Variants in ABCA12 observed in about 807,000 individuals in gnomAD.
The protein encoded by ABCA12 is glucosylceramide transporter ABCA12.
ABCA12 carries 156 observed loss-of-function variants against 293.5 expected under a neutral mutation model. The observed-to-expected ratio is 0.53, with a 90% CI of 0.47 to 0.61. ABCA12 has a LOEUF of 0.61. Ranked by LOEUF, ABCA12 falls within the 20% of genes least tolerant of loss-of-function variation. ABCA12 has a pLI of 0.00. For synonymous variants in ABCA12, 1,063 were observed against 1,108.0 expected, an observed-to-expected ratio of 0.96 and a Z score of 0.81; for missense variants, 2,797 against 3,090.2, an observed-to-expected ratio of 0.91 and a Z score of 2.25.
chr2:215,049,579 C>G (rs1701275796), intron 6 of ABCA12, 47 bp downstream of exon 6: 1 of 1,574,158 alleles, frequency 6.4e-7, no homozygotes, highest in Non-Finnish European at 8.7e-7. Context: ...TAGATTTACC[C>G]TTTAATTCAT....
Position 215,001,545 on chromosome 2 carries a change from G to C in ABCA12, c.2863+13C>G. On this transcript the variant is annotated intron_variant, in intron 21 of 52. Transcript: ENST00000272895. ...ACAAAGAGATGCTCAAACCCTAATA[G>C]AACAGCACTTACTTCCAAAGAGTTC... 1.9e-6 allele frequency: 3 copies of C among 1,613,416 alleles called. No homozygotes were observed. The highest frequency in any genetic ancestry group is 2.5e-6 in the Non-Finnish European group (3 of 1,179,602).
intron 2 of ABCA12, among the ~76,000 whole-genome samples, chr2:215,098,371 T>C (rs1269408181): frequency 6.6e-6 from 1 of 152,196 alleles, no homozygotes; most frequent in African/African-American, 2.4e-5. Flanking sequence ...CTCCAGGAGT[T>C]CCATCTCTTC....
intron 48 of ABCA12, among the ~76,000 whole-genome samples, chr2:214,946,229 AAAT>A (rs1698578417): frequency 6.6e-6 from 1 of 152,126 alleles, no homozygotes; most frequent in Non-Finnish European, 1.5e-5. Flanking sequence ...AATGGTAGTT[AAAT>A]AATTTTTTAA....
intron 2 of ABCA12, among the ~76,000 whole-genome samples, chr2:215,105,032 A>T (rs1702436167): frequency 6.6e-6 from 1 of 152,154 alleles, no homozygotes; most frequent in African/African-American, 2.4e-5. Flanking sequence ...GAATTTTGTA[A>T]TCCAGTCACC....
chr2:215,055,703 G>GGAAAAA (rs71041984), intron 3 of ABCA12, among the ~76,000 whole-genome samples: 96,305 of 150,548 alleles, frequency 0.64, 31,403 homozygotes, highest in African/African-American at 0.77. Flanking sequence ...GTTTATAATT[G>GGAAAAA]GAAAAAGAAA....
At chr2:215,078,408 T>C (rs1384543866) in intron 2 of ABCA12, among the ~76,000 whole-genome samples, 1 of 152,226 alleles carries the variant, frequency 6.6e-6, no homozygotes, top group Non-Finnish European at 1.5e-5. Context: ...GATCTAATGG[T>C]TTCATATGAT....
chr2:215,134,162 A>T (rs1277148262), intron 1 of ABCA12, among the ~76,000 whole-genome samples: 1 of 151,696 alleles, frequency 6.6e-6, no homozygotes, highest in African/African-American at 2.4e-5. Context: ...AGCTTATGCT[A>T]TTCTCATCCT....
chr2:214,954,026 G>T lies in ABCA12; in HGVS notation c.6475C>A (p.Leu2159Ile). 1 of 1,614,060 alleles carries T rather than the reference G, an allele frequency of 6.2e-7. No homozygotes were observed. Among genetic ancestry groups the T allele is most frequent in the Middle Eastern group, 1.6e-4 (1 of 6,062 alleles). The change falls in exon 44 of 53, where the codon CTT becomes ATT. Residue 2159 changes from leucine to isoleucine, a missense_variant. Physicochemically the swap from Leu to Ile is conservative, Grantham distance 5. Coordinates refer to ENST00000272895, the MANE Select transcript of ABCA12 (RefSeq NM_173076.3). Reference protein sequence around the residue: ...QFCFGYGLIELSQQQSVLDFL... With the variant: ...QFCFGYGLIEISQQQSVLDFL... ...TCTAGGACCGACTGTTGTTGAGAAA[G>T]TTCAATCAAACCGTAGCCAAAACAG...
In ABCA12 at chr2:214,955,211, A is replaced by G; in HGVS notation, c.6384T>C (p.Pro2128=). 6.2e-7 allele frequency: 1 copy of G among 1,614,122 alleles called. No homozygotes were observed. Among genetic ancestry groups the G allele is most frequent in the African/African-American group, 1.3e-5 (1 of 75,060 alleles). The part of the protein sequence containing the change: ...SVVYFLSKEK[P]NDPTLELISE... ...AAATAAGGGACCTTACCGGATCATT[A>G]GGCTTTTCCTTGGAAAGAAAGTATA... The change falls in exon 43 of 53, where the codon CCT becomes CCC. Residue 2128 remains proline, a synonymous_variant. Coordinates refer to ENST00000272895, the MANE Select transcript of ABCA12 (RefSeq NM_173076.3).
chr2:214,982,214 A>T lies in ABCA12; in HGVS notation c.4552T>A (p.Trp1518Arg), dbSNP rs1699683235. Residue 1518 changes from tryptophan (W) to arginine (R), a missense_variant, in exon 30 of 53, where the codon TGG (tryptophan) becomes AGG (arginine). This residue lies in a region of ABCA12 where 2,130 missense variants were observed against 2,427.0 expected (regional missense o/e 0.88). Coordinates refer to ENST00000272895, the MANE Select transcript of ABCA12 (RefSeq NM_173076.3). Reference protein sequence around the residue: ...GVDPCSRRSIWDVISKNKTAR... With the variant: ...GVDPCSRRSIRDVISKNKTAR... ...GTTTTGTTCTTGGATATAACATCCC[A>T]TATACTTCGGCGAGAACATGGGTCA... The T allele has an allele frequency of 6.2e-7, 1 of 1,613,896 alleles. No homozygotes were observed. Among genetic ancestry groups the T allele is most frequent in the African/African-American group, 1.3e-5 (1 of 74,898 alleles).
chr2:214,948,500 G>A, intron 47 of ABCA12, 96 bp downstream of exon 47: 1 of 1,347,878 alleles, frequency 7.4e-7, no homozygotes, highest in Non-Finnish European at 1.0e-6. Context: ...GAGGGGAAAT[G>A]GTGGGGCAGG....
chr2:215,069,347 A>T (rs1014673826), intron 2 of ABCA12, among the ~76,000 whole-genome samples: 3 of 152,162 alleles, frequency 2.0e-5, no homozygotes, highest in Non-Finnish European at 4.4e-5. Context: ...ACACCATATC[A>T]AGAGTACAGA....
At chr2:215,017,710 A>T (rs1574986752) in intron 14 of ABCA12, 1 of 312,490 alleles carries the variant, frequency 3.2e-6, no homozygotes, top group Non-Finnish European at 6.1e-6. Context: ...GTGCGATCTC[A>T]GCTCACTGCA....
At chr2:214,972,675 T>A (rs908709968) in intron 36 of ABCA12, among the ~76,000 whole-genome samples, 1 of 152,174 alleles carries the variant, frequency 6.6e-6, no homozygotes, top group Non-Finnish European at 1.5e-5. Context: ...GTACTGGGAT[T>A]ACAGGCATGA....
At chr2:214,978,530 C>T in intron 32 of ABCA12, 64 bp from the exon 33 acceptor site, 1 of 1,566,310 alleles carries the variant, frequency 6.4e-7, no homozygotes, top group Admixed American at 1.8e-5. Context: ...CATTTCTAAG[C>T]TTACCTTTGA....
At chr2:215,003,142 A>G (rs1199580217) in intron 20 of ABCA12, among the ~76,000 whole-genome samples, 1 of 152,186 alleles carries the variant, frequency 6.6e-6, no homozygotes, top group African/African-American at 2.4e-5. Flanking sequence ...TTTACGTCCC[A>G]GCAGTGCCAG....
At chr2:214,991,198 T>C (rs138134449) in intron 23 of ABCA12, among the ~76,000 whole-genome samples, 167 bp from the exon 24 acceptor site, 494 of 152,340 alleles carry the variant, frequency 3.2e-3, no homozygotes, top group Middle Eastern at 0.017. Flanking sequence ...ATGTGAAATA[T>C]GCCTATATAC....
At chr2:215,076,013 G>A (rs1701827064) in intron 2 of ABCA12, among the ~76,000 whole-genome samples, 2 of 152,156 alleles carry the variant, frequency 1.3e-5, no homozygotes, top group South Asian at 4.1e-4. Flanking sequence ...TAGGTCTTTG[G>A]TATTCATATT....
chr2:215,134,558 A>G (rs373468383), intron 1 of ABCA12, among the ~76,000 whole-genome samples: 1 of 87,240 alleles, frequency 1.1e-5, no homozygotes, highest in African/African-American at 5.7e-5. Flanking sequence ...GTATATGTAT[A>G]TATGTGTGTA....
Sources: allele counts gnomAD v4.1 joint callset (sites outside exome capture counted in the v4.1 genomes callset), GRCh38; gene constraint gnomAD v4.1.1; regional missense constraint gnomAD v4.1.1; transcripts MANE v1.5; gene names NCBI Gene and HGNC (gene_info 2026-07-23, HGNC 2026-07-21).